PUS10: variants seen among roughly 807,000 people sequenced by gnomAD.
PUS10 encodes pseudouridine synthase 10.
A neutral mutation model predicts 75.0 loss-of-function variants in PUS10; 59 were observed. The ratio of observed to expected loss-of-function variants is 0.79; its 90% CI spans 0.64 to 0.98. PUS10 has a LOEUF of 0.98. Among genes scored for constraint, PUS10 ranks in the 50% least tolerant of loss-of-function variants. The pLI is 0.00. For synonymous variants in PUS10, 219 were observed against 211.6 expected (o/e 1.03, Z -0.30); for missense variants, 650 against 614.4 (o/e 1.06, Z -0.61).
intron 1 of PUS10, among the ~76,000 whole-genome samples, chr2:61,015,664 A>G (rs1360154472): frequency 6.6e-6 from 1 of 152,116 alleles, no homozygotes; most frequent in Non-Finnish European, 1.5e-5. Context: ...GTGCCACTGT[A>G]CTCCAGTCTG....
intron 16 of PUS10, among the ~76,000 whole-genome samples, chr2:60,947,552 A>G (rs2104135181): frequency 6.6e-6 from 1 of 152,322 alleles, no homozygotes; most frequent in South Asian, 2.1e-4. Context: ...AATTTAGGCC[A>G]GGCGCGGTGG....
chr2:60,995,487 C>T (rs1008571090), intron 4 of PUS10, among the ~76,000 whole-genome samples: 19 of 152,114 alleles, frequency 1.2e-4, no homozygotes, highest in Admixed American at 9.8e-4. Context: ...GTCTAAAACA[C>T]AGTGGTGGTA....
chr2:60,981,150 C>T (rs1008971158), intron 4 of PUS10, among the ~76,000 whole-genome samples: 2 of 151,978 alleles, frequency 1.3e-5, no homozygotes, highest in African/African-American at 2.4e-5. Flanking sequence ...GCCTTGGCCT[C>T]GCAAAGTGCT....
rs1039758375 is a variant in PUS10, at chr2:60,950,688, G to A, written c.1308+2309C>T. Reference sequence around the variant, plus strand: ...ACCACCTCAGCCTCCTGAAGTGCTGGGATTACAGGTGTAAGCCACCATGCC... The same window carrying A: ...ACCACCTCAGCCTCCTGAAGTGCTGAGATTACAGGTGTAAGCCACCATGCC... On this transcript the variant is annotated intron_variant, in intron 15 of 17. Coordinates refer to ENST00000316752, the MANE Select transcript of PUS10 (RefSeq NM_144709.4). Among the ~76,000 whole-genome samples, 3 of 152,088 alleles carry A rather than the reference G, an allele frequency of 2.0e-5. No individual in the cohort carries two copies. In the East Asian group the frequency reaches 5.8e-4, roughly 29 times the overall value.
chr2:60,989,352 C>T (rs1205408882), intron 4 of PUS10, among the ~76,000 whole-genome samples: 1 of 152,096 alleles, frequency 6.6e-6, no homozygotes, highest in Non-Finnish European at 1.5e-5. Flanking sequence ...GTTTTATTTC[C>T]TGGAGATGGT....
In PUS10 at chr2:60,942,261, T is replaced by A. The variant is rs1184475867; in HGVS notation, c.*134A>T. 1 of 735,940 alleles carries A rather than the reference T, an allele frequency of 1.4e-6. No homozygotes were observed. Among genetic ancestry groups the A allele is most frequent in the Non-Finnish European group, 2.4e-6 (1 of 408,956 alleles). 45.6% of individuals were successfully genotyped at this position (735,940 alleles called of 1,614,324 possible). A position where few individuals can be genotyped will look rare whatever the true frequency, so the allele number is the denominator to read the frequency against. On this transcript the variant is annotated 3_prime_UTR_variant, in exon 18 of 18. Transcript: ENST00000316752. The stretch of plus-strand genomic sequence containing the variant: ...CTGAGATGTTACAACAAATTAACAA[T>A]TATATAGATCAACATGATCCAAATA...
At chr2:61,007,750 CA>C (rs1679320682) in intron 3 of PUS10, among the ~76,000 whole-genome samples, 1 of 120,654 alleles carries the variant, frequency 8.3e-6, no homozygotes. Flanking sequence ...GCCTGGGTGA[CA>C]AGAGCCAAAC....
At chr2:60,975,728 C>T (rs532836232) in intron 4 of PUS10, among the ~76,000 whole-genome samples, 1 of 148,570 alleles carries the variant, frequency 6.7e-6, no homozygotes, top group East Asian at 2.0e-4. Context: ...TTAATTTTGT[C>T]CCGCCCTTCC....
At chr2:61,015,816 CTG>C in intron 1 of PUS10, among the ~76,000 whole-genome samples, 1 of 152,164 alleles carries the variant, frequency 6.6e-6, no homozygotes, top group South Asian at 2.1e-4. Flanking sequence ...AGATCGGATG[CTG>C]TGAGGGGCGA....
At chr2:60,987,980 T>G (rs1009235828) in intron 4 of PUS10, among the ~76,000 whole-genome samples, 1 of 151,048 alleles carries the variant, frequency 6.6e-6, no homozygotes, top group African/African-American at 2.4e-5. Flanking sequence ...TCCCAGCTAT[T>G]TGGGAGGCTG....
intron 15 of PUS10, among the ~76,000 whole-genome samples, chr2:60,952,440 T>C (rs1675400865): frequency 6.6e-6 from 1 of 152,032 alleles, no homozygotes; most frequent in South Asian, 2.1e-4. Flanking sequence ...TACCATGACA[T>C]GCTCAGGTAT....
At chr2:60,992,256 T>C (rs1430459888) in intron 4 of PUS10, among the ~76,000 whole-genome samples, 2 of 152,158 alleles carry the variant, frequency 1.3e-5, no homozygotes, top group South Asian at 2.1e-4. Flanking sequence ...CCTCAAGTGA[T>C]TCCCCTGTCT....
At chr2:61,015,495 C>T (rs563109812) in intron 1 of PUS10, among the ~76,000 whole-genome samples, 3 of 151,860 alleles carry the variant, frequency 2.0e-5, no homozygotes, top group Non-Finnish European at 2.9e-5. Context: ...GTCAGGAGAT[C>T]GAGACCATCC....
At chr2:60,971,585 A>G (rs888335777) in intron 4 of PUS10, 28 bp from the exon 5 acceptor site, 2 of 1,608,734 alleles carry the variant, frequency 1.2e-6, no homozygotes, top group Non-Finnish European at 1.7e-6. Flanking sequence ...ACACCCAGAA[A>G]GAGAAAAGGG....
In PUS10 at chr2:61,011,747, AAAAAG is replaced by A. The variant is rs1679613993; in HGVS notation, c.126+13_126+17del. 4.0e-6 allele frequency: 6 copies of A among 1,505,724 alleles called. No homozygotes were observed. Among genetic ancestry groups the A allele is most frequent in the Admixed American group, 2.6e-5 (1 of 38,560 alleles). 93.3% of individuals were successfully genotyped at this position (1,505,724 alleles called of 1,614,324 possible). ...CCTTCTCTTAATTTGAAAAAAAAAAAAAAAGAAAAGAAAATACCTTGTATGGAAGT... is the reference window on the plus strand; with the variant it reads ...CCTTCTCTTAATTTGAAAAAAAAAAAAAAAGAAAATACCTTGTATGGAAGT... On this transcript the variant is annotated intron_variant, in intron 2 of 17. Transcript: ENST00000316752.
In PUS10 at chr2:61,006,631, C is replaced by T. The variant is rs1194037823; in HGVS notation, c.394G>A (p.Val132Ile). The change falls in exon 4 of 18, where the codon GTT (valine) becomes ATT (isoleucine). Residue 132 changes from valine to isoleucine, a missense_variant. Transcript: ENST00000316752. ...KDFIKKVCQK[V>I]EASGFEFTSL... ...GTGAATTCAAACCCAGAGGCCTCAA[C>T]CTTTTGGCACACCTGAAAAAGCATT... 5 of 1,611,726 alleles carry T rather than the reference C, an allele frequency of 3.1e-6. No individual in the cohort carries two copies. In the African/African-American group the frequency reaches 6.7e-5, roughly 22 times the overall value.
chr2:61,006,049 C>CT (rs202186530), intron 4 of PUS10, among the ~76,000 whole-genome samples: 3 of 151,414 alleles, frequency 2.0e-5, no homozygotes, highest in South Asian at 2.1e-4. Flanking sequence ...ACAGCAGTGA[C>CT]TTTTTTTTTC....
At chr2:60,984,021 T>TA (rs1400790867) in intron 4 of PUS10, among the ~76,000 whole-genome samples, 2 of 151,448 alleles carry the variant, frequency 1.3e-5, no homozygotes, top group East Asian at 3.9e-4. Context: ...AAATCAAAAA[T>TA]AAAAAACATT....
intron 4 of PUS10, among the ~76,000 whole-genome samples, chr2:60,978,283 G>A (rs1242720009): frequency 2.6e-5 from 4 of 151,942 alleles, no homozygotes; most frequent in Non-Finnish European, 5.9e-5. Flanking sequence ...TTAGCCGGGT[G>A]TGGTGGTGCG....
Sources: allele counts gnomAD v4.1 joint callset (sites outside exome capture counted in the v4.1 genomes callset), GRCh38; gene constraint gnomAD v4.1.1; transcripts MANE v1.5; gene names NCBI Gene and HGNC (gene_info 2026-07-23, HGNC 2026-07-21).